Variants in HGS observed in about 807,000 individuals in gnomAD.
HGS encodes the protein hepatocyte growth factor-regulated tyrosine kinase substrate.
HGS carries 63 observed loss-of-function variants against 109.7 expected under a neutral mutation model. The observed-to-expected ratio is 0.57, with a 90% CI of 0.47 to 0.71. The LOEUF (loss-of-function observed/expected upper bound fraction) is 0.71. Ranked by LOEUF, HGS falls within the 30% of genes least tolerant of loss-of-function variation. HGS has a pLI of 0.00. For synonymous variants in HGS, 546 were observed against 437.3 expected, an observed-to-expected ratio of 1.25 and a Z score of -3.10; for missense variants, 995 against 1,068.3, an observed-to-expected ratio of 0.93 and a Z score of 0.96.
intron 21 of HGS, 26 bp downstream of exon 21, chr17:81,701,157 CGGCACCCGCAG>C (rs751501747): frequency 5.0e-6 from 8 of 1,593,412 alleles, no homozygotes; most frequent in Middle Eastern, 1.7e-4. Flanking sequence ...GGCCTCACAG[CGGCACCCGCAG>C]GGCACCCTCA....
intron 4 of HGS, among the ~76,000 whole-genome samples, chr17:81,688,435 G>A (rs567413936): frequency 1.3e-5 from 2 of 152,334 alleles, no homozygotes; most frequent in East Asian, 3.9e-4. Flanking sequence ...GGGTGGGCAG[G>A]TCCCGTGGGG....
rs959390859 is a variant in HGS at position 81,693,361 on chromosome 17, A to C, written c.663-142A>C. The C allele has an allele frequency of 6.4e-5, 43 of 676,962 alleles. 1 individual carries two copies. The South Asian group carries it at 7.1e-4, about 11-fold the overall frequency. 41.9% of individuals were successfully genotyped at this position (676,962 alleles called of 1,614,324 possible). ...CCCTGCTCTGCTCTGGAGTGTGGCCATTCGGACACCTGTGGCTGTGGAACC... is the reference window on the plus strand; with the variant it reads ...CCCTGCTCTGCTCTGGAGTGTGGCCCTTCGGACACCTGTGGCTGTGGAACC... On this transcript the variant is annotated intron_variant, in intron 8 of 21. Transcript: ENST00000329138.
At chr17:81,690,278 A>G in intron 6 of HGS, 44 bp downstream of exon 6, 2 of 1,603,068 alleles carry the variant, frequency 1.2e-6, no homozygotes, top group Non-Finnish European at 1.7e-6. Context: ...CGGGCTGCTC[A>G]GGAAGCGTGA....
chr17:81,696,875 G>T lies in HGS; in HGVS notation c.1759G>T (p.Ala587Ser), dbSNP rs763226839. ...GGVLYQPSGP[A>S]SFPSTFSPAG... is the part of the protein sequence containing the mutation. Reference sequence around the variant, plus strand: ...TGTGCTCTACCAGCCCTCGGGACCAGCCAGCTTCCCCAGCACCTTCAGCCC... The same window carrying T: ...TGTGCTCTACCAGCCCTCGGGACCATCCAGCTTCCCCAGCACCTTCAGCCC... The change falls in exon 18 of 22, where the codon GCC (alanine) becomes TCC (serine). Residue 587 changes from alanine to serine, a missense_variant. Around this residue, in one of 6 missense-constraint regions of HGS, gnomAD observed 326 missense variants for 309.7 expected, o/e 1.05. Transcript: ENST00000329138. 196 of 1,610,570 alleles carry T rather than the reference G, an allele frequency of 1.2e-4. No homozygotes were observed. The highest frequency in any genetic ancestry group is 1.6e-4 in the Non-Finnish European group (189 of 1,179,792).
intron 1 of HGS, among the ~76,000 whole-genome samples, chr17:81,685,333 C>T (rs1009447232): frequency 7.2e-5 from 11 of 152,194 alleles, no homozygotes; most frequent in African/African-American, 2.4e-4. Context: ...GCAGTGCCCT[C>T]GCCTCTCTGC....
intron 11 of HGS, 82 bp downstream of exon 11, chr17:81,694,047 T>A: frequency 7.9e-7 from 1 of 1,270,830 alleles, no homozygotes; most frequent in South Asian, 1.4e-5. Context: ...GCTGATTTAG[T>A]CAGGTTGGTG....
Position 81,695,792 on chromosome 17 carries a change from T to C in HGS, c.1186T>C (p.Phe396Leu). The change falls in exon 15 of 22, where the codon TTC becomes CTC. Residue 396 changes from phenylalanine to leucine, a missense_variant. Physicochemically the swap from Phe to Leu is conservative, Grantham distance 22. This residue lies in a region of HGS where 300 missense variants were observed against 235.4 expected (regional missense o/e 1.27). Coordinates refer to ENST00000329138, the MANE Select transcript of HGS (RefSeq NM_004712.5). ...AACCCTGCTCTGCCTGCAGCCACAG[T>C]TCCACAATGGCGAGTCTGAGGAGAG... ...PSGGPFSEPQ[F>L]HNGESEESHE... 6.2e-7 allele frequency: 1 copy of C among 1,613,326 alleles called. No individual in the cohort carries two copies. The highest frequency in any genetic ancestry group is 8.5e-7 in the Non-Finnish European group (1 of 1,179,984).
intron 2 of HGS, 177 bp from the exon 3 acceptor site, chr17:81,686,135 T>C (rs1436366856): frequency 5.0e-6 from 3 of 597,492 alleles, no homozygotes; most frequent in African/African-American, 1.9e-5. Flanking sequence ...TTTGCCGTAA[T>C]GCACAGGCTG....
chr17:81,689,381 G>C (rs942908182), intron 5 of HGS, among the ~76,000 whole-genome samples: 3 of 152,364 alleles, frequency 2.0e-5, no homozygotes, highest in Admixed American at 2.0e-4. Flanking sequence ...CGTCTAGGTC[G>C]TGGCTGCCAA....
intron 18 of HGS, 67 bp downstream of exon 18, chr17:81,697,065 A>G: frequency 6.8e-7 from 1 of 1,464,968 alleles, no homozygotes; most frequent in Non-Finnish European, 9.1e-7. Context: ...GAATTTACAG[A>G]AAAGCAGTAA....
At chr17:81,684,664 T>C (rs1022219729) in intron 1 of HGS, among the ~76,000 whole-genome samples, 1 of 152,184 alleles carries the variant, frequency 6.6e-6, no homozygotes, top group African/African-American at 2.4e-5. Context: ...GCTGATCCTA[T>C]CTGAGCCTCC....
At chr17:81,685,954 G>A (rs148933453) in intron 2 of HGS, among the ~76,000 whole-genome samples, 3 of 151,834 alleles carry the variant, frequency 2.0e-5, no homozygotes, top group South Asian at 2.1e-4. Flanking sequence ...TTTTTAAGAC[G>A]GGGCCTTGCT....
chr17:81,690,362 C>T, intron 6 of HGS, 128 bp downstream of exon 6: 3 of 974,258 alleles, frequency 3.1e-6, no homozygotes, highest in Non-Finnish European at 4.8e-6. Flanking sequence ...CTGAGGATGC[C>T]TGTGTGTCCT....
Position 81,690,667 on chromosome 17 carries a change from T to G in HGS, c.469-7T>G. On this transcript the variant is annotated splice_region_variant and splice_polypyrimidine_tract_variant and intron_variant, in intron 6 of 21. Coordinates refer to ENST00000329138, the MANE Select transcript of HGS (RefSeq NM_004712.5). ...AGCGTGTGGTCCTGACTGCTGCCCCTCCTCAGGCCCCAGACTGGGTGGACG... is the reference window on the plus strand; with the variant it reads ...AGCGTGTGGTCCTGACTGCTGCCCCGCCTCAGGCCCCAGACTGGGTGGACG... 1 of 1,611,180 alleles carries G rather than the reference T, an allele frequency of 6.2e-7. No homozygotes were observed. Among genetic ancestry groups the G allele is most frequent in the Non-Finnish European group, 8.5e-7 (1 of 1,178,920 alleles).
intron 14 of HGS, 131 bp downstream of exon 14, chr17:81,695,354 C>G: frequency 1.1e-6 from 1 of 928,188 alleles, no homozygotes; most frequent in Non-Finnish European, 1.7e-6. Flanking sequence ...CCAGCCCAGC[C>G]CTGGCCTGCC....
intron 9 of HGS, 22 bp from the exon 10 acceptor site, chr17:81,693,632 C>T: frequency 6.5e-7 from 1 of 1,545,962 alleles, no homozygotes; most frequent in South Asian, 1.2e-5. Context: ...CGCCCCCCCT[C>T]ACCCTCCCCG....
intron 18 of HGS, 141 bp downstream of exon 18, chr17:81,697,139 C>G: frequency 2.1e-6 from 2 of 945,632 alleles, no homozygotes; most frequent in Non-Finnish European, 3.0e-6. Context: ...TTTCCTGTTT[C>G]CATGCAAACG....
At chr17:81,694,562 T>C (rs1433807793) in intron 11 of HGS, among the ~76,000 whole-genome samples, 1 of 152,210 alleles carries the variant, frequency 6.6e-6, no homozygotes, top group Non-Finnish European at 1.5e-5. Flanking sequence ...GCTGGCCCAG[T>C]GCCACCCTGT....
chr17:81,697,434 CTG>C (rs1300201821), intron 18 of HGS: 2 of 152,642 alleles, frequency 1.3e-5, no homozygotes, highest in African/African-American at 2.5e-5. Flanking sequence ...GAGCACTGGC[CTG>C]TCATTCGGCA....
Sources: allele counts gnomAD v4.1 joint callset (sites outside exome capture counted in the v4.1 genomes callset), GRCh38; gene constraint gnomAD v4.1.1; regional missense constraint gnomAD v4.1.1; transcripts MANE v1.5; gene names NCBI Gene and HGNC (gene_info 2026-07-23, HGNC 2026-07-21).